Variants in FAM83B observed in about 807,000 individuals in gnomAD.
The protein encoded by FAM83B is protein FAM83B.
In FAM83B, 26 loss-of-function variants were observed where a neutral mutation model predicts 38.8. The ratio of observed to expected loss-of-function variants is 0.67; its 90% confidence interval spans 0.49 to 0.93. The LOEUF (loss-of-function observed/expected upper bound fraction) is 0.93, where lower values mean the gene tolerates loss of function less well. FAM83B is among the 40% of genes least tolerant of loss of function. FAM83B has a pLI of 0.00. For synonymous variants in FAM83B, 419 were observed against 423.1 expected (o/e 0.99, Z 0.12); for missense variants, 1,237 against 1,197.3 (o/e 1.03, Z -0.49).
chr6:54,859,121 C>T (rs946535949), intron 1 of FAM83B, among the ~76,000 whole-genome samples: 10 of 151,736 alleles, frequency 6.6e-5, no homozygotes, highest in African/African-American at 2.2e-4. Context: ...AGTGCAATAG[C>T]GTGATCTCAG....
At chr6:54,877,584 T>A (rs547611738) in intron 2 of FAM83B, among the ~76,000 whole-genome samples, 1 of 152,370 alleles carries the variant, frequency 6.6e-6, no homozygotes, top group African/African-American at 2.4e-5. Context: ...GGAACTCACA[T>A]CTGATTTTGA....
Position 54,857,748 on chromosome 6 carries a change from A to G in FAM83B, c.-61+10922A>G, listed in dbSNP as rs539585382. ...GGGTACAGGAAATAGCACATAAATA[A>G]ATATTTTACTTACTTCACATAATAA... On this transcript the variant is annotated intron_variant, in intron 1 of 4. Coordinates refer to ENST00000306858, the MANE Select transcript of FAM83B (RefSeq NM_001010872.3). 5.4e-4 allele frequency among the ~76,000 whole-genome samples: 82 copies of G among 152,254 alleles called. 1 individual carries two copies. The highest frequency in any genetic ancestry group is 1.9e-3 in the African/African-American group (81 of 41,542).
chr6:54,859,098 T>C (rs9475049), intron 1 of FAM83B, among the ~76,000 whole-genome samples: 8,643 of 151,000 alleles, frequency 0.057, 346 homozygotes, highest in Middle Eastern at 0.12. Flanking sequence ...TCTCACTCTG[T>C]CACCCAGGCT....
Position 54,939,975 on chromosome 6 carries a change from G to C in FAM83B, c.1004G>C (p.Ser335Thr). ...RQDKIHKLDS[S>T]YFKNRGIYTL... ...GACAAGATTCATAAACTAGATTCCA[G>C]TTACTTCAAAAACAGAGGGATATAT... The change falls in exon 5 of 5, where the codon AGT becomes ACT. Residue 335 changes from serine to threonine, a missense_variant. Physicochemically the swap from Ser to Thr is moderately conservative, Grantham distance 58. Coordinates refer to ENST00000306858, the MANE Select transcript of FAM83B (RefSeq NM_001010872.3). The C allele has an allele frequency of 6.2e-7, 1 of 1,613,994 alleles. No individual in the cohort carries two copies. The highest frequency in any genetic ancestry group is 8.5e-7 in the Non-Finnish European group (1 of 1,179,980).
intron 2 of FAM83B, among the ~76,000 whole-genome samples, chr6:54,896,140 T>C (rs889743739): frequency 5.3e-5 from 8 of 152,070 alleles, no homozygotes; most frequent in Admixed American, 4.6e-4. Flanking sequence ...TCCCCCCTGC[T>C]TGGCCTCCCA....
intron 2 of FAM83B, among the ~76,000 whole-genome samples, chr6:54,891,458 T>C (rs950591619): frequency 2.6e-5 from 4 of 152,322 alleles, no homozygotes; most frequent in African/African-American, 9.6e-5. Flanking sequence ...TAAAGACTTT[T>C]AGCTTTGGGT....
chr6:54,885,719 TA>T (rs1391684063), intron 2 of FAM83B, among the ~76,000 whole-genome samples: 3 of 147,598 alleles, frequency 2.0e-5, no homozygotes, highest in Non-Finnish European at 4.4e-5. Context: ...TCGCAAGGAC[TA>T]AAAACCAAAC....
chr6:54,846,254 T>C (rs1283146135), upstream of FAM83B, among the ~76,000 whole-genome samples: 1 of 152,216 alleles, frequency 6.6e-6, no homozygotes, highest in African/African-American at 2.4e-5. Flanking sequence ...AATTACCTAC[T>C]GTGGGCTGAA....
chr6:54,901,453 G>C (rs1422572662), intron 2 of FAM83B, among the ~76,000 whole-genome samples: 2 of 152,110 alleles, frequency 1.3e-5, no homozygotes, highest in Admixed American at 1.3e-4. Context: ...TTATGTTAAA[G>C]AATTTTCTGT....
At chr6:54,906,874 A>G (rs906057563) in intron 2 of FAM83B, among the ~76,000 whole-genome samples, 4 of 152,192 alleles carry the variant, frequency 2.6e-5, no homozygotes, top group Non-Finnish European at 4.4e-5. Flanking sequence ...CTGAAATAAT[A>G]TATTCACAGA....
At chr6:54,857,061 A>G (rs1229805455) in intron 1 of FAM83B, among the ~76,000 whole-genome samples, 1 of 152,176 alleles carries the variant, frequency 6.6e-6, no homozygotes, top group Non-Finnish European at 1.5e-5. Context: ...GTATGTAACA[A>G]TTTTACTTTT....
chr6:54,909,722 A>G (rs1056562660), intron 2 of FAM83B, among the ~76,000 whole-genome samples: 2 of 152,200 alleles, frequency 1.3e-5, no homozygotes, highest in East Asian at 3.9e-4. Context: ...AACAAGGCTG[A>G]ATAAAATAAA....
chr6:54,866,337 AC>A (rs528524316), intron 1 of FAM83B, among the ~76,000 whole-genome samples: 195 of 152,096 alleles, frequency 1.3e-3, no homozygotes, highest in African/African-American at 4.6e-3. Context: ...TGTATCCTTT[AC>A]CCAGTTTTCC....
rs375452638 is a variant in FAM83B at position 54,926,563 on chromosome 6, A to G, written c.609+28A>G. 1.5e-5 allele frequency: 23 copies of G among 1,495,118 alleles called. No individual in the cohort carries two copies. The African/African-American group carries it at 2.8e-4, about 18-fold the overall frequency. The allele number at this position is 1,495,118 out of a possible 1,614,324, so 92.6% of individuals were successfully genotyped here. A position where few individuals can be genotyped will look rare whatever the true frequency, so the allele number is the denominator to read the frequency against. On this transcript the variant is annotated intron_variant, in intron 3 of 4. Coordinates refer to ENST00000306858, the MANE Select transcript of FAM83B (RefSeq NM_001010872.3). ...AAGAATTCTGTTTTTTTTTTCCTCA[A>G]GTATTTTATGTGTCATTTTCAACTC...
At chr6:54,936,709 G>A (rs1773531655) in intron 4 of FAM83B, among the ~76,000 whole-genome samples, 1 of 150,436 alleles carries the variant, frequency 6.6e-6, no homozygotes, top group Non-Finnish European at 1.5e-5. Flanking sequence ...CACACAAATT[G>A]TCTTCCCACA....
chr6:54,870,306 T>TGA lies in FAM83B; in HGVS notation c.62_63dup (p.Pro22SerfsTer10), dbSNP rs1237205871. 1 of 1,613,912 alleles carries TGA rather than the reference T, an allele frequency of 6.2e-7. No individual in the cohort carries two copies. Among genetic ancestry groups the TGA allele is most frequent in the East Asian group, 2.2e-5 (1 of 44,878 alleles). On this transcript the variant is annotated frameshift_variant, in exon 2 of 5. Transcript: ENST00000306858. LOFTEE classifies it high-confidence loss of function. ...ATGAGTGTAAATCTGACAACTACAT[T>TGA]GAGCCTCACTACAAGGAATGGTATC...
chr6:54,849,985 A>G (rs2127570604), intron 1 of FAM83B, among the ~76,000 whole-genome samples: 1 of 152,284 alleles, frequency 6.6e-6, no homozygotes, highest in South Asian at 2.1e-4. Flanking sequence ...CTTTTACACT[A>G]TCCCTTTGAT....
chr6:54,886,167 A>C (rs1340019391), intron 2 of FAM83B, among the ~76,000 whole-genome samples: 2 of 152,086 alleles, frequency 1.3e-5, no homozygotes, highest in African/African-American at 4.8e-5. Context: ...TATTTATATA[A>C]AGCTAGATTA....
chr6:54,931,930 T>C (rs556561003), intron 4 of FAM83B, among the ~76,000 whole-genome samples: 21 of 152,034 alleles, frequency 1.4e-4, no homozygotes, highest in Non-Finnish European at 2.8e-4. Flanking sequence ...ACATACATGC[T>C]TTGATTATCA....
Sources: gnomAD v4.1 joint callset for allele counts (sites outside exome capture counted in the v4.1 genomes callset) on GRCh38, gnomAD v4.1.1 for gene constraint, MANE v1.5 for transcripts, NCBI Gene and HGNC (gene_info 2026-07-23, HGNC 2026-07-21) for gene names.